LMX1B: variants seen among roughly 807,000 people sequenced by gnomAD.
The protein encoded by LMX1B is LIM homeobox transcription factor 1 beta.
A neutral mutation model predicts 51.4 loss-of-function variants in LMX1B; 12 were observed. That is an observed-to-expected ratio of 0.23 (90% CI 0.15 to 0.38). The LOEUF (loss-of-function observed/expected upper bound fraction) is 0.38, where lower values mean the gene tolerates loss of function less well. LMX1B is among the 10% of genes least tolerant of loss of function. LMX1B has a pLI of 1.00. For missense variants in LMX1B, 445 were observed against 571.1 expected, an observed-to-expected ratio of 0.78 and a Z score of 2.25; for synonymous variants, 237 against 235.4, an observed-to-expected ratio of 1.01 and a Z score of -0.06.
intron 2 of LMX1B, among the ~76,000 whole-genome samples, chr9:126,630,774 AG>A (rs755321810): frequency 1.9e-4 from 29 of 152,268 alleles, no homozygotes; most frequent in Non-Finnish European, 3.7e-4. Flanking sequence ...ATTACACCAC[AG>A]GGTGGGGCCG....
intron 2 of LMX1B, among the ~76,000 whole-genome samples, chr9:126,636,126 C>T (rs1835709633): frequency 6.6e-6 from 1 of 152,206 alleles, no homozygotes; most frequent in Non-Finnish European, 1.5e-5. Flanking sequence ...ACACCACAAG[C>T]AGCTTCCTCC....
At chr9:126,654,156 A>T (rs1031264717) in intron 2 of LMX1B, among the ~76,000 whole-genome samples, 1 of 151,900 alleles carries the variant, frequency 6.6e-6, no homozygotes. Flanking sequence ...CACTCCCGAG[A>T]TGCCACACTG....
At chr9:126,643,124 C>T (rs569042848) in intron 2 of LMX1B, among the ~76,000 whole-genome samples, 4 of 152,238 alleles carry the variant, frequency 2.6e-5, no homozygotes, top group South Asian at 4.1e-4. Flanking sequence ...CTTGTTATCC[C>T]GGGTCAGGCT....
At chr9:126,664,618 G>C (rs1004496764) in intron 2 of LMX1B, among the ~76,000 whole-genome samples, 1 of 152,226 alleles carries the variant, frequency 6.6e-6, no homozygotes, top group Non-Finnish European at 1.5e-5. Flanking sequence ...GCTCACGCTT[G>C]TAATCCCAGC....
chr9:126,646,221 G>C (rs993290704), intron 2 of LMX1B, among the ~76,000 whole-genome samples: 1 of 152,098 alleles, frequency 6.6e-6, no homozygotes, highest in African/African-American at 2.4e-5. Context: ...TGGATGACAA[G>C]AGGGAAGTCT....
At chr9:126,634,891 C>T (rs766263388) in intron 2 of LMX1B, among the ~76,000 whole-genome samples, 16 of 152,092 alleles carry the variant, frequency 1.1e-4, no homozygotes, top group Non-Finnish European at 1.9e-4. Context: ...GGCCAAAGCC[C>T]AGAGACATGG....
rs182649653 is a variant in LMX1B, at chr9:126,661,808, G to A, written c.327-29028G>A. On this transcript the variant is annotated intron_variant, in intron 2 of 7. Transcript: ENST00000373474. ...TGAGGGTTTCCTGCAAGGTGTGGCC[G>A]CTGCAGAGGGGAGGGGGACACCTGG... is the stretch of plus-strand genomic sequence containing the variant. 8.1e-3 allele frequency among the ~76,000 whole-genome samples: 1,234 copies of A among 152,306 alleles called. 16 individuals carry two copies. Among genetic ancestry groups the A allele is most frequent in the African/African-American group, 0.028 (1,166 of 41,562 alleles).
chr9:126,617,224 C>A (rs1440222522), intron 2 of LMX1B, among the ~76,000 whole-genome samples: 1 of 151,906 alleles, frequency 6.6e-6, no homozygotes, highest in Non-Finnish European at 1.5e-5. Flanking sequence ...CAGCCTCTAG[C>A]CCCCTCCCCA....
chr9:126,635,943 C>T (rs538075863), intron 2 of LMX1B, among the ~76,000 whole-genome samples: 4 of 152,262 alleles, frequency 2.6e-5, no homozygotes, highest in South Asian at 4.1e-4. Flanking sequence ...CAGGGAGAGG[C>T]GTCCCACTCC....
At chr9:126,682,931 T>C (rs1836703979) in intron 2 of LMX1B, among the ~76,000 whole-genome samples, 1 of 146,624 alleles carries the variant, frequency 6.8e-6, no homozygotes, top group Non-Finnish European at 1.5e-5. Context: ...AAAGAAATAT[T>C]TGTGGAATCG....
In LMX1B at chr9:126,614,507, G is replaced by A. The variant is rs758741262; in HGVS notation, c.58G>A (p.Asp20Asn). 16 of 1,607,194 alleles carry A rather than the reference G, an allele frequency of 1.0e-5. No homozygotes were observed. Among genetic ancestry groups the A allele is most frequent in the Non-Finnish European group, 1.4e-5 (16 of 1,177,638 alleles). Residue 20 changes from aspartate (D) to asparagine (N), a missense_variant, in exon 1 of 8, where the codon GAC becomes AAC. Coordinates refer to ENST00000373474, the MANE Select transcript of LMX1B (RefSeq NM_001174147.2). ...LERCFPRGQTDCAKMLDGIKM... is the reference protein window; with the variant it reads ...LERCFPRGQTNCAKMLDGIKM... ...GAGGTGCTTCCCTCGCGGGCAGACG[G>A]ACTGCGCCAAGATGTTGGACGGCAT...
At chr9:126,631,316 A>G (rs1835632686) in intron 2 of LMX1B, among the ~76,000 whole-genome samples, 1 of 152,270 alleles carries the variant, frequency 6.6e-6, no homozygotes, top group African/African-American at 2.4e-5. Context: ...GATTTGTAAA[A>G]GGAAACATCT....
At chr9:126,683,867 T>A (rs1836723123) in intron 2 of LMX1B, among the ~76,000 whole-genome samples, 1 of 152,222 alleles carries the variant, frequency 6.6e-6, no homozygotes, top group Non-Finnish European at 1.5e-5. Flanking sequence ...CCATTCCTTC[T>A]GCTCCAGAAC....
Position 126,671,751 on chromosome 9 carries a change from C to T in LMX1B, c.327-19085C>T, listed in dbSNP as rs896879779. 2.0e-5 allele frequency among the ~76,000 whole-genome samples: 3 copies of T among 152,148 alleles called. No individual in the cohort carries two copies. The highest frequency in any genetic ancestry group is 7.2e-5 in the African/African-American group (3 of 41,452). On this transcript the variant is annotated intron_variant, in intron 2 of 7. Coordinates refer to ENST00000373474, the MANE Select transcript of LMX1B (RefSeq NM_001174147.2). This position sits in a 1 kb window ranked among gnomAD's most constrained non-coding sequence, Gnocchi z 4.4. ...AGGCACACAAAGGCAGTGTAATATC[C>T]TGTGGGCTTACTCGGGGAGAGTGAG...
intron 2 of LMX1B, among the ~76,000 whole-genome samples, chr9:126,678,206 A>T (rs928070958): frequency 6.6e-6 from 1 of 151,694 alleles, no homozygotes; most frequent in Non-Finnish European, 1.5e-5. Context: ...GCTACTCGGG[A>T]GGCTAAGACA....
chr9:126,619,254 G>A (rs958401951), intron 2 of LMX1B, among the ~76,000 whole-genome samples: 2 of 152,188 alleles, frequency 1.3e-5, no homozygotes, highest in Non-Finnish European at 2.9e-5. Flanking sequence ...TTTACCCCGG[G>A]AAAGACCTTC....
chr9:126,698,662 G>C lies in LMX1B; in HGVS notation c.*2211G>C, dbSNP rs1441909579. The C allele has an allele frequency of 6.6e-6, 1 of 152,404 alleles. No individual in the cohort carries two copies. Among genetic ancestry groups the C allele is most frequent in the Non-Finnish European group, 1.5e-5 (1 of 68,184 alleles). The allele number at this position is 152,404 out of a possible 1,614,324, so 9.4% of individuals were successfully genotyped here. The stretch of plus-strand genomic sequence containing the variant: ...CTTTAACTCTGAGGTCAAGCCCTAG[G>C]CCACCACCCTAAAGTCTGCCTGGTC... On this transcript the variant is annotated 3_prime_UTR_variant, in exon 8 of 8. Transcript: ENST00000373474.
At chr9:126,631,156 C>T (rs1184799078) in intron 2 of LMX1B, among the ~76,000 whole-genome samples, 1 of 152,250 alleles carries the variant, frequency 6.6e-6, no homozygotes, top group Non-Finnish European at 1.5e-5. Flanking sequence ...AGCTGGCCGC[C>T]CACTGGTTGG....
Position 126,626,552 on chromosome 9 carries a change from G to A in LMX1B, c.326+10983G>A, listed in dbSNP as rs1835535383. On this transcript the variant is annotated intron_variant, in intron 2 of 7. Coordinates refer to ENST00000373474, the MANE Select transcript of LMX1B (RefSeq NM_001174147.2). The surrounding 1 kb of genome is among the most constrained non-coding windows in gnomAD (Gnocchi z 4.3). ...CACCTCCCGCCCGTCCTCTCCTGGA[G>A]CCCCCTCTGCAATCCCGGCTCAGTC... 6.6e-6 allele frequency among the ~76,000 whole-genome samples: 1 copy of A among 152,174 alleles called. No homozygotes were observed. The highest frequency in any genetic ancestry group is 1.5e-5 in the Non-Finnish European group (1 of 68,036).
Sources: allele counts gnomAD v4.1 joint callset (sites outside exome capture counted in the v4.1 genomes callset), GRCh38; gene constraint gnomAD v4.1.1; non-coding constraint Gnocchi (gnomAD v3.1); transcripts MANE v1.5; gene names NCBI Gene and HGNC (gene_info 2026-07-23, HGNC 2026-07-21).